SLC14A2: variants seen among roughly 807,000 people sequenced by gnomAD.
The protein encoded by SLC14A2 is urea transporter 2.
SLC14A2 carries 91 observed loss-of-function variants against 104.6 expected under a neutral mutation model. That is an observed-to-expected ratio of 0.87 (90% CI 0.73 to 1.04). The LOEUF (loss-of-function observed/expected upper bound fraction) is 1.04, where lower values mean the gene tolerates loss of function less well. SLC14A2 is among the 50% of genes least tolerant of loss of function. The pLI, the probability that SLC14A2 is intolerant of heterozygous loss-of-function variation, is 0.00. For missense variants in SLC14A2, 1,189 were observed against 1,156.0 expected, an observed-to-expected ratio of 1.03 and a Z score of -0.41; for synonymous variants, 476 against 466.4, an observed-to-expected ratio of 1.02 and a Z score of -0.27.
At chr18:45,249,669 G>A (rs1280238549) in intron 1 of SLC14A2, among the ~76,000 whole-genome samples, 1 of 152,090 alleles carries the variant, frequency 6.6e-6, no homozygotes, top group Non-Finnish European at 1.5e-5. Context: ...TATCTATTTG[G>A]CCAGGCATGG....
chr18:45,645,321 A>G (rs1568311938), intron 10 of SLC14A2, among the ~76,000 whole-genome samples: 1 of 152,128 alleles, frequency 6.6e-6, no homozygotes, highest in African/African-American at 2.4e-5. Context: ...GTGTCTTTAC[A>G]ATAGAATGAT....
At chr18:45,294,882 C>A (rs1475171930) in intron 1 of SLC14A2, among the ~76,000 whole-genome samples, 3 of 152,190 alleles carry the variant, frequency 2.0e-5, no homozygotes, top group Non-Finnish European at 2.9e-5. Context: ...TTTGGGGAAC[C>A]CAGTTCATTT....
chr18:45,568,880 C>A (rs1241066137), intron 2 of SLC14A2, among the ~76,000 whole-genome samples: 1 of 152,128 alleles, frequency 6.6e-6, no homozygotes, highest in Non-Finnish European at 1.5e-5. Flanking sequence ...AAGAGTAATA[C>A]AGGGCTATGG....
upstream of SLC14A2, among the ~76,000 whole-genome samples, chr18:45,208,368 T>C (rs1291905182): frequency 6.6e-6 from 1 of 152,232 alleles, no homozygotes; most frequent in African/African-American, 2.4e-5. Context: ...TCATCAACAG[T>C]GACCCTGCTT....
intron 1 of SLC14A2, among the ~76,000 whole-genome samples, chr18:45,360,992 G>A (rs896488293): frequency 5.3e-5 from 8 of 151,934 alleles, no homozygotes; most frequent in Non-Finnish European, 1.2e-4. Context: ...CAATATTTAA[G>A]TCTTTAAAAA....
At chr18:45,328,958 TA>T (rs902501795) in intron 1 of SLC14A2, among the ~76,000 whole-genome samples, 1 of 152,182 alleles carries the variant, frequency 6.6e-6, no homozygotes, top group African/African-American at 2.4e-5. Flanking sequence ...ATTCCAAAAG[TA>T]GAGATAATTT....
chr18:45,389,894 C>T (rs908013409), intron 1 of SLC14A2, among the ~76,000 whole-genome samples: 3 of 152,138 alleles, frequency 2.0e-5, no homozygotes, highest in Admixed American at 6.6e-5. Flanking sequence ...CTTTAATCTT[C>T]GAGAATGTAA....
chr18:45,528,663 G>A (rs1328229280), intron 2 of SLC14A2: 3 of 152,006 alleles, frequency 2.0e-5, no homozygotes, highest in Non-Finnish European at 2.9e-5. Flanking sequence ...GGAAGATGGT[G>A]GAGATACACA....
chr18:45,459,414 A>T (rs2087002886), intron 1 of SLC14A2, among the ~76,000 whole-genome samples: 1 of 152,164 alleles, frequency 6.6e-6, no homozygotes, highest in South Asian at 2.1e-4. Context: ...AAGAGACTTT[A>T]CCCTTCAGAG....
chr18:45,304,521 A>G (rs1420018061), intron 1 of SLC14A2, among the ~76,000 whole-genome samples: 1 of 152,232 alleles, frequency 6.6e-6, no homozygotes, highest in East Asian at 1.9e-4. Context: ...AGAAAGTTCT[A>G]AGGCCCTTCA....
At chr18:45,598,070 T>C (rs374248794) in intron 2 of SLC14A2, among the ~76,000 whole-genome samples, 3 of 152,140 alleles carry the variant, frequency 2.0e-5, no homozygotes, top group Non-Finnish European at 4.4e-5. Flanking sequence ...TGGGACTTTC[T>C]ACAAATGGGC....
intron 1 of SLC14A2, among the ~76,000 whole-genome samples, chr18:45,231,915 G>T (rs1483131573): frequency 6.6e-6 from 1 of 152,142 alleles, no homozygotes; most frequent in South Asian, 2.1e-4. Flanking sequence ...TGTGTGAAAA[G>T]TGTTAACAAA....
chr18:45,513,552 T>C (rs1044778140), intron 2 of SLC14A2, among the ~76,000 whole-genome samples: 2 of 152,204 alleles, frequency 1.3e-5, no homozygotes, highest in Non-Finnish European at 2.9e-5. Context: ...AGGACTGTAA[T>C]CAGAAGTTGA....
At chr18:45,432,959 A>C (rs901858886) in intron 1 of SLC14A2, among the ~76,000 whole-genome samples, 1 of 152,140 alleles carries the variant, frequency 6.6e-6, no homozygotes, top group Non-Finnish European at 1.5e-5. Flanking sequence ...CCAAAGGCCT[A>C]TTTTGCCACC....
intron 10 of SLC14A2, among the ~76,000 whole-genome samples, chr18:45,655,145 G>A (rs2045810976): frequency 6.6e-6 from 1 of 152,114 alleles, no homozygotes; most frequent in African/African-American, 2.4e-5. Context: ...TCTCCTCAGG[G>A]TCCCCCTTTT....
chr18:45,232,058 G>A (rs1329724930), intron 1 of SLC14A2, among the ~76,000 whole-genome samples: 1 of 151,892 alleles, frequency 6.6e-6, no homozygotes, highest in Non-Finnish European at 1.5e-5. Flanking sequence ...ACAAAATGAT[G>A]AGTGAATGAA....
intron 1 of SLC14A2, among the ~76,000 whole-genome samples, chr18:45,292,263 A>T (rs1046202415): frequency 3.3e-5 from 5 of 152,194 alleles, no homozygotes; most frequent in Non-Finnish European, 5.9e-5. Context: ...ATAAAGAGAG[A>T]CATTGAAAAT....
chr18:45,253,470 A>G (rs1377830764), intron 1 of SLC14A2, among the ~76,000 whole-genome samples: 1 of 152,028 alleles, frequency 6.6e-6, no homozygotes, highest in African/African-American at 2.4e-5. Context: ...ATTATGCTGG[A>G]TGCTTTGAAA....
intron 2 of SLC14A2, among the ~76,000 whole-genome samples, chr18:45,573,006 T>TC (rs1455611318): frequency 2.6e-5 from 4 of 152,082 alleles, no homozygotes; most frequent in Admixed American, 2.6e-4. Flanking sequence ...TCCGCCTTTA[T>TC]CCCCCAAAAC....
Sources: allele counts gnomAD v4.1 joint callset (sites outside exome capture counted in the v4.1 genomes callset), GRCh38; gene constraint gnomAD v4.1.1; transcripts MANE v1.5; gene names NCBI Gene and HGNC (gene_info 2026-07-23, HGNC 2026-07-21).